DAB1: variants seen among roughly 807,000 people sequenced by gnomAD.
DAB1 encodes DAB adaptor protein 1.
A neutral mutation model predicts 64.6 loss-of-function variants in DAB1; 15 were observed. The ratio of observed to expected loss-of-function variants is 0.23; its 90% CI spans 0.16 to 0.36. DAB1 has a LOEUF of 0.36. DAB1 is among the 10% of genes least tolerant of loss of function. The pLI is 1.00. For synonymous variants in DAB1, 235 were observed against 251.9 expected (o/e 0.93, Z 0.64); for missense variants, 596 against 706.7 (o/e 0.84, Z 1.78).
At chr1:57,553,290 G>C (rs1046386083) in intron 7 of DAB1, among the ~76,000 whole-genome samples, 1 of 148,186 alleles carries the variant, frequency 6.7e-6, no homozygotes, top group African/African-American at 2.5e-5. Context: ...CAGGTAAAAA[G>C]ATAAGAGCAG....
rs137879883 is a variant in DAB1, at chr1:57,347,417, C to T, written c.-136-56251G>A. Reference sequence around the variant, plus strand: ...TTACAGGATTTCTATGATCTCTTCCCGTTCTAATTTGCTAAGATTCTAATG... The same window carrying T: ...TTACAGGATTTCTATGATCTCTTCCTGTTCTAATTTGCTAAGATTCTAATG... On this transcript the variant is annotated intron_variant, in intron 1 of 14. Transcript: ENST00000371236. Among the ~76,000 whole-genome samples the T allele has an allele frequency of 6.5e-3, 990 of 152,226 alleles. 15 individuals carry two copies. The highest frequency in any genetic ancestry group is 0.022 in the African/African-American group (910 of 41,530).
chr1:57,357,519 C>CTTTTTTTT (rs35457403), intron 1 of DAB1, among the ~76,000 whole-genome samples: 1 of 122,794 alleles, frequency 8.1e-6, no homozygotes, highest in Non-Finnish European at 1.7e-5. Flanking sequence ...CACCTTCTTC[C>CTTTTTTTT]TTTTTTTTTT....
intron 4 of DAB1, among the ~76,000 whole-genome samples, chr1:58,236,368 A>T (rs1393433289): frequency 6.6e-6 from 1 of 152,056 alleles, no homozygotes; most frequent in Non-Finnish European, 1.5e-5. Flanking sequence ...ATAAAACATT[A>T]TGCACTCAGT....
At chr1:58,133,104 A>T (rs1453363423) in intron 5 of DAB1, among the ~76,000 whole-genome samples, 1 of 152,162 alleles carries the variant, frequency 6.6e-6, no homozygotes, top group Non-Finnish European at 1.5e-5. Flanking sequence ...GATTCTTGGC[A>T]TCAAAGCTGC....
intron 4 of DAB1, among the ~76,000 whole-genome samples, chr1:57,112,650 C>T (rs1161059201): frequency 6.6e-6 from 1 of 152,090 alleles, no homozygotes; most frequent in African/African-American, 2.4e-5. Flanking sequence ...CATGAGCTTT[C>T]AGGTCAGCTA....
At chr1:57,040,733 T>A (rs752504507) in intron 9 of DAB1, among the ~76,000 whole-genome samples, 6 of 152,210 alleles carry the variant, frequency 3.9e-5, no homozygotes, top group Non-Finnish European at 7.4e-5. Context: ...CCTTTTTCCT[T>A]TTAAAAACCT....
intron 7 of DAB1, among the ~76,000 whole-genome samples, chr1:57,551,064 C>T (rs1029320186): frequency 2.0e-5 from 3 of 152,070 alleles, no homozygotes; most frequent in Non-Finnish European, 4.4e-5. Flanking sequence ...AAATCAGGTG[C>T]GATGACACTA....
rs6681659 is a variant in DAB1 at position 57,846,396 on chromosome 1, T to A, written n.88-19941A>T. Among the ~76,000 whole-genome samples, 703 of 149,204 alleles carry A rather than the reference T, an allele frequency of 4.7e-3. 3 individuals are homozygous for A. The highest frequency in any genetic ancestry group is 0.015 in the African/African-American group (623 of 40,248). ...TGGTGTGAACCCGGGAGGCAGAGCT[T>A]GCAGTAAGCCGAGATTGTGCCACTG... is the stretch of plus-strand genomic sequence containing the variant. On this transcript the variant is annotated intron_variant and non_coding_transcript_variant, in intron 1 of 1. Transcript: ENST00000477280.
At chr1:58,142,053 C>A (rs936764112) in intron 5 of DAB1, among the ~76,000 whole-genome samples, 1 of 152,044 alleles carries the variant, frequency 6.6e-6, no homozygotes, top group Non-Finnish European at 1.5e-5. Context: ...TAAATTTTAA[C>A]CAACGTTCAT....
chr1:58,182,823 T>C (rs1336666766), intron 4 of DAB1, among the ~76,000 whole-genome samples: 1 of 152,040 alleles, frequency 6.6e-6, no homozygotes, highest in African/African-American at 2.4e-5. Flanking sequence ...TTAACTACTT[T>C]TTTTCTGAGT....
intron 1 of DAB1, among the ~76,000 whole-genome samples, chr1:57,841,146 G>T (rs1653031773): frequency 6.6e-6 from 1 of 152,298 alleles, no homozygotes; most frequent in African/African-American, 2.4e-5. Flanking sequence ...ACCCAACAGG[G>T]TAGTCATTAA....
chr1:57,932,275 T>A (rs1644964162), intron 5 of DAB1, among the ~76,000 whole-genome samples: 1 of 152,240 alleles, frequency 6.6e-6, no homozygotes, highest in Admixed American at 6.5e-5. Context: ...TTGGTAAATG[T>A]TTTATGTGAA....
chr1:57,520,684 C>T (rs1283798564), intron 7 of DAB1, among the ~76,000 whole-genome samples: 1 of 151,916 alleles, frequency 6.6e-6, no homozygotes, highest in East Asian at 1.9e-4. Flanking sequence ...TGTATATATT[C>T]AGGAAACAAA....
At chr1:58,210,218 C>T (rs1658487496) in intron 4 of DAB1, among the ~76,000 whole-genome samples, 1 of 152,142 alleles carries the variant, frequency 6.6e-6, no homozygotes, top group African/African-American at 2.4e-5. Context: ...TGCTTGACTC[C>T]ATAGCTGAAG....
chr1:57,491,479 AT>A (rs1419876143), intron 7 of DAB1, among the ~76,000 whole-genome samples: 10 of 152,274 alleles, frequency 6.6e-5, no homozygotes, highest in Non-Finnish European at 1.0e-4. Context: ...ATAACAATAT[AT>A]TTTTTATAGA....
intron 9 of DAB1, among the ~76,000 whole-genome samples, chr1:57,045,099 T>A (rs777404275): frequency 1.8e-4 from 27 of 152,186 alleles, no homozygotes; most frequent in Non-Finnish European, 3.5e-4. Flanking sequence ...GGGTTAGCTT[T>A]GGAGTATGTG....
At chr1:57,207,876 A>G (rs1025903433) in intron 2 of DAB1, among the ~76,000 whole-genome samples, 6 of 152,206 alleles carry the variant, frequency 3.9e-5, no homozygotes, top group Admixed American at 6.5e-5. Flanking sequence ...ATAAAGGCTC[A>G]GTTCAAAACA....
At chr1:57,587,294 A>G (rs962479963) in intron 7 of DAB1, among the ~76,000 whole-genome samples, 1 of 152,332 alleles carries the variant, frequency 6.6e-6, no homozygotes, top group African/African-American at 2.4e-5. Context: ...CAGCTTGCTA[A>G]GAGGTCTCTA....
chr1:58,386,433 T>TTA (rs1348151664), intron 3 of DAB1, among the ~76,000 whole-genome samples: 3 of 152,168 alleles, frequency 2.0e-5, no homozygotes, highest in African/African-American at 7.2e-5. Context: ...TAATAAGCAC[T>TTA]TAAGATGTGC....
Sources: allele counts gnomAD v4.1 joint callset (sites outside exome capture counted in the v4.1 genomes callset), GRCh38; gene constraint gnomAD v4.1.1; transcripts MANE v1.5; gene names NCBI Gene and HGNC (gene_info 2026-07-23, HGNC 2026-07-21).